SV2B: variants seen among roughly 807,000 people sequenced by gnomAD.
SV2B encodes synaptic vesicle glycoprotein 2B.
SV2B carries 41 observed loss-of-function variants against 73.9 expected under a neutral mutation model. The ratio of observed to expected loss-of-function variants is 0.56; its 90% CI spans 0.43 to 0.72. SV2B has a LOEUF of 0.72. SV2B is among the 30% of genes least tolerant of loss of function. The pLI is 0.00. For missense variants in SV2B, 764 were observed against 857.8 expected (o/e 0.89, Z 1.37); for synonymous variants, 314 against 314.2 (o/e 1.00, Z 0.01).
chr15:91,191,079 T>TTTTTTTTTTTTTTTTTTTTTTTA (rs2141351254), intron 1 of SV2B, among the ~76,000 whole-genome samples: 1 of 141,776 alleles, frequency 7.1e-6, no homozygotes, highest in Non-Finnish European at 1.5e-5. Flanking sequence ...TTTTTTTTTT[T>TTTTTTTTTTTTTTTTTTTTTTTA]TTTTTGACAG....
intron 6 of SV2B, among the ~76,000 whole-genome samples, chr15:91,263,742 G>T (rs2048008263): frequency 6.6e-6 from 1 of 152,024 alleles, no homozygotes; most frequent in Admixed American, 6.6e-5. Flanking sequence ...CATACCAAGC[G>T]TTTGGGTTGA....
Position 91,146,628 on chromosome 15 carries a change from G to C in SV2B, c.-392+46265G>C, listed in dbSNP as rs548272804. On this transcript the variant is annotated intron_variant, in intron 1 of 12. Coordinates refer to ENST00000394232, the MANE Select transcript of SV2B (RefSeq NM_001323032.3). ...GTGTCATCTCTGATTTCTCTGAGTA[G>C]TATTTGTAGTTTTCCTTGTAGAGAT... Among the ~76,000 whole-genome samples the C allele has an allele frequency of 3.9e-5, 6 of 152,298 alleles. No individual in the cohort carries two copies. In the South Asian group the frequency reaches 1.2e-3, roughly 32 times the overall value.
At chr15:91,256,941 T>C (rs1430869514) in intron 4 of SV2B, among the ~76,000 whole-genome samples, 1 of 152,234 alleles carries the variant, frequency 6.6e-6, no homozygotes, top group Non-Finnish European at 1.5e-5. Context: ...GTTGGTCATA[T>C]GTTATATTTC....
chr15:91,161,421 A>G (rs719985), intron 1 of SV2B, among the ~76,000 whole-genome samples: 40,218 of 152,122 alleles, frequency 0.26, 6,114 homozygotes, highest in East Asian at 0.64. Context: ...GTCGTTAAGA[A>G]AAATATATAT....
intron 1 of SV2B, among the ~76,000 whole-genome samples, chr15:91,144,677 C>T (rs1475866227): frequency 6.6e-6 from 1 of 152,210 alleles, no homozygotes; most frequent in Non-Finnish European, 1.5e-5. Context: ...TGCATTTCAA[C>T]AGCGGGACAG....
In SV2B at chr15:91,265,409, G is replaced by A. The variant is rs541246518; in HGVS notation, c.1009-1173G>A. Among the ~76,000 whole-genome samples, 1 of 152,342 alleles carries A rather than the reference G, an allele frequency of 6.6e-6. No individual in the cohort carries two copies. The highest frequency in any genetic ancestry group is 2.1e-4 in the South Asian group (1 of 4,828). ...GTTCTAATGAATCGTAAATTAGAGTGAGTAATTATGCTTCAAGTTGTCAAC... is the reference window on the plus strand; with the variant it reads ...GTTCTAATGAATCGTAAATTAGAGTAAGTAATTATGCTTCAAGTTGTCAAC... On this transcript the variant is annotated intron_variant, in intron 6 of 12. Coordinates refer to ENST00000394232, the MANE Select transcript of SV2B (RefSeq NM_001323032.3). This position sits in a 1 kb window ranked among gnomAD's most constrained non-coding sequence, Gnocchi z 4.2.
At chr15:91,271,580 T>A (rs1315194956) in intron 9 of SV2B, among the ~76,000 whole-genome samples, 4 of 152,240 alleles carry the variant, frequency 2.6e-5, no homozygotes, top group Non-Finnish European at 5.9e-5. Context: ...TACATGTTTT[T>A]TAACCAACAG....
chr15:91,281,557 C>G lies in SV2B; in HGVS notation c.1374-171C>G, dbSNP rs751819894. Among the ~76,000 whole-genome samples, 43 of 152,190 alleles carry G rather than the reference C, an allele frequency of 2.8e-4. No individual in the cohort carries two copies. Among genetic ancestry groups the G allele is most frequent in the Non-Finnish European group, 8.8e-5 (6 of 68,036 alleles). On this transcript the variant is annotated intron_variant, in intron 9 of 12. Transcript: ENST00000394232. This position sits in a 1 kb window ranked among gnomAD's most constrained non-coding sequence, Gnocchi z 4.7. ...TGGCTTCCAGGTCCTGAAGCCCTTC[C>G]CCACTAATAAACAAACAGCTAAGAA...
In SV2B at chr15:91,197,316, C is replaced by T. The variant is rs1467604435; in HGVS notation, c.-391-28557C>T. On this transcript the variant is annotated intron_variant, in intron 1 of 12. Transcript: ENST00000394232. This position sits in a 1 kb window ranked among gnomAD's most constrained non-coding sequence, Gnocchi z 4.9. ...TGATCTCAGCTCACCGCAACCTCTG[C>T]TTCCTGGGTTCAAGCAATCCTCCTG... Among the ~76,000 whole-genome samples, 2 of 152,054 alleles carry T rather than the reference C, an allele frequency of 1.3e-5. No individual in the cohort carries two copies. The highest frequency in any genetic ancestry group is 4.8e-5 in the African/African-American group (2 of 41,402).
intron 1 of SV2B, among the ~76,000 whole-genome samples, chr15:91,145,273 A>T (rs930053578): frequency 2.0e-5 from 3 of 152,204 alleles, no homozygotes; most frequent in African/African-American, 7.2e-5. Flanking sequence ...TAGTTTGCTA[A>T]GGATAAGGTT....
At chr15:91,291,808 C>T (rs1429467991) in intron 12 of SV2B, among the ~76,000 whole-genome samples, 1 of 152,168 alleles carries the variant, frequency 6.6e-6, no homozygotes, top group Non-Finnish European at 1.5e-5. Flanking sequence ...AAGGCCCACC[C>T]GCAACGTCTC....
chr15:91,292,228 A>G, intron 12 of SV2B, 141 bp from the exon 13 acceptor site: 1 of 709,680 alleles, frequency 1.4e-6, no homozygotes, highest in Non-Finnish European at 2.2e-6. Context: ...TTTGACTACA[A>G]TGAGAATGTG....
Position 91,252,720 on chromosome 15 carries a change from C to T in SV2B, c.784+200C>T, listed in dbSNP as rs2047538925. ...TCTTTTTTGAAAAATATATCCTGTC[C>T]TCCCTCTTTTCCTCCTTCCTTCCCT... On this transcript the variant is annotated intron_variant, in intron 4 of 12. Coordinates refer to ENST00000394232, the MANE Select transcript of SV2B (RefSeq NM_001323032.3). The surrounding 1 kb of genome is among the most constrained non-coding windows in gnomAD (Gnocchi z 4.6). 6.6e-6 allele frequency among the ~76,000 whole-genome samples: 1 copy of T among 151,788 alleles called. No homozygotes were observed. Among genetic ancestry groups the T allele is most frequent in the Admixed American group, 6.6e-5 (1 of 15,228 alleles).
At chr15:91,209,107 G>GTTTTTTTTTTTTTTT (rs1362781398) in intron 1 of SV2B, among the ~76,000 whole-genome samples, 1 of 121,954 alleles carries the variant, frequency 8.2e-6, no homozygotes, top group African/African-American at 3.7e-5. Flanking sequence ...TGGCAGTACT[G>GTTTTTTTTTTTTTTT]TTTTTTGTTT....
At position 91,297,993 on chromosome 15, in the gene SV2B, T is replaced by C. The variant is rs1596826504; in HGVS notation, c.*5441T>C. 1 of 152,184 alleles carries C rather than the reference T, an allele frequency of 6.6e-6. No individual in the cohort carries two copies. The highest frequency in any genetic ancestry group is 1.9e-4 in the East Asian group (1 of 5,202). 9.4% of individuals were successfully genotyped at this position (152,184 alleles called of 1,614,324 possible). On this transcript the variant is annotated 3_prime_UTR_variant, in exon 13 of 13. Transcript: ENST00000394232. The surrounding 1 kb of genome is among the most constrained non-coding windows in gnomAD (Gnocchi z 5.1). ...AAATATGCTTGTGGCATCCTGTAAT[T>C]CATTGTGCCTTATGATGGACCTCTG...
At chr15:91,172,729 G>T (rs2044167087) in intron 1 of SV2B, among the ~76,000 whole-genome samples, 1 of 152,216 alleles carries the variant, frequency 6.6e-6, no homozygotes, top group Non-Finnish European at 1.5e-5. Context: ...CTTTGGGAAA[G>T]TTGCCGAACC....
Position 91,267,007 on chromosome 15 carries a change from T to C in SV2B, c.1119+315T>C, listed in dbSNP as rs1372743942. 4.5e-6 allele frequency: 1 copy of C among 220,144 alleles called. No homozygotes were observed. The highest frequency in any genetic ancestry group is 5.4e-5 in the Admixed American group (1 of 18,484). The allele number at this position is 220,144 out of a possible 1,614,324, so 13.6% of individuals were successfully genotyped here. ...TCTAGCAAATTTTAAAATAATCACA[T>C]GGAGGAAGAAGTGAGTAAAATAAAT... is the stretch of plus-strand genomic sequence containing the variant. On this transcript the variant is annotated intron_variant, in intron 7 of 12. Transcript: ENST00000394232. The surrounding 1 kb of genome is among the most constrained non-coding windows in gnomAD (Gnocchi z 4.3).
intron 2 of SV2B, among the ~76,000 whole-genome samples, chr15:91,230,082 A>G (rs1484837929): frequency 6.6e-6 from 1 of 152,160 alleles, no homozygotes; most frequent in African/African-American, 2.4e-5. Context: ...TCTACAAAAT[A>G]CAAAAGAAAT....
chr15:91,252,309 T>C lies in SV2B; in HGVS notation c.633-60T>C. 1 of 1,552,434 alleles carries C rather than the reference T, an allele frequency of 6.4e-7. No homozygotes were observed. Among genetic ancestry groups the C allele is most frequent in the Non-Finnish European group, 8.7e-7 (1 of 1,147,140 alleles). ...GGTGGGGTATAGGCAACTTGGTTTC[T>C]GCTGTGACCATTTTTAGTGTATGAC... is the stretch of plus-strand genomic sequence containing the variant. On this transcript the variant is annotated intron_variant, in intron 3 of 12. Transcript: ENST00000394232. The surrounding 1 kb of genome is among the most constrained non-coding windows in gnomAD (Gnocchi z 4.6).
Sources: gnomAD v4.1 joint callset for allele counts (sites outside exome capture counted in the v4.1 genomes callset) on GRCh38, gnomAD v4.1.1 for gene constraint, Gnocchi (gnomAD v3.1) non-coding constraint, MANE v1.5 for transcripts, NCBI Gene and HGNC (gene_info 2026-07-23, HGNC 2026-07-21) for gene names.